Variants in NOS1AP observed in about 807,000 individuals in gnomAD.
The protein encoded by NOS1AP is carboxyl-terminal PDZ ligand of neuronal nitric oxide synthase protein.
In NOS1AP, 21 loss-of-function variants were observed where a neutral mutation model predicts 56.2. The observed-to-expected ratio is 0.37, with a 90% CI of 0.26 to 0.54. The LOEUF (loss-of-function observed/expected upper bound fraction) is 0.54. Among genes scored for constraint, NOS1AP ranks in the 20% least tolerant of loss-of-function variants. NOS1AP has a pLI of 0.84. For synonymous variants in NOS1AP, 270 were observed against 274.6 expected, an observed-to-expected ratio of 0.98 and a Z score of 0.17; for missense variants, 522 against 657.8, an observed-to-expected ratio of 0.79 and a Z score of 2.26.
Position 162,102,082 on chromosome 1 carries a change from G to T in NOS1AP, c.105+31800G>T, listed in dbSNP as rs1647297976. On this transcript the variant is annotated intron_variant, in intron 1 of 9. Transcript: ENST00000361897. ...TCAATATGATATTGGCTGTGGGTTTGTCATGCATGGCTCTTATTATTTTGA... is the reference window on the plus strand; with the variant it reads ...TCAATATGATATTGGCTGTGGGTTTTTCATGCATGGCTCTTATTATTTTGA... 1.3e-5 allele frequency among the ~76,000 whole-genome samples: 2 copies of T among 152,080 alleles called. 1 individual carries two copies. Among genetic ancestry groups the T allele is most frequent in the South Asian group, 4.1e-4 (2 of 4,832 alleles).
intron 2 of NOS1AP, among the ~76,000 whole-genome samples, chr1:162,279,663 G>A (rs573709836): frequency 3.2e-4 from 49 of 152,292 alleles, no homozygotes; most frequent in African/African-American, 1.1e-3. Flanking sequence ...GTCCTGTGAA[G>A]TTAATTTCCA....
chr1:162,342,755 G>A lies in NOS1AP; in HGVS notation c.454-1080G>A, dbSNP rs1162201871. The A allele has an allele frequency of 5.3e-5, 20 of 374,294 alleles. 1 individual carries two copies. Among genetic ancestry groups the A allele is most frequent in the South Asian group, 3.9e-4 (19 of 49,088 alleles). 23.2% of individuals were successfully genotyped at this position (374,294 alleles called of 1,614,324 possible). ...TGCCATTACCTGGGGTGGGTGGGAG[G>A]TGGATGTGATTGATGGACTATATGG... On this transcript the variant is annotated intron_variant, in intron 5 of 9. Coordinates refer to ENST00000361897, the MANE Select transcript of NOS1AP (RefSeq NM_014697.3).
At chr1:162,216,924 CAT>C (rs1334216422) in intron 2 of NOS1AP, among the ~76,000 whole-genome samples, 2 of 152,128 alleles carry the variant, frequency 1.3e-5, no homozygotes, top group Non-Finnish European at 2.9e-5. Flanking sequence ...TGAGTTAACA[CAT>C]ATAGCAAATT....
chr1:162,284,979 G>A (rs1272556206), intron 2 of NOS1AP, among the ~76,000 whole-genome samples: 5 of 152,230 alleles, frequency 3.3e-5, no homozygotes, highest in Non-Finnish European at 7.3e-5. Flanking sequence ...CAGGACTGGG[G>A]AGAATGATGT....
chr1:162,168,104 C>T (rs1223845562), intron 2 of NOS1AP, among the ~76,000 whole-genome samples: 1 of 152,098 alleles, frequency 6.6e-6, no homozygotes, highest in African/African-American at 2.4e-5. Context: ...TCACTGAATC[C>T]TCATAATTAC....
intron 4 of NOS1AP, among the ~76,000 whole-genome samples, chr1:162,325,680 C>T (rs542899852): frequency 5.9e-4 from 89 of 152,052 alleles, no homozygotes; most frequent in African/African-American, 2.0e-3. Flanking sequence ...TTCTGTTTTC[C>T]GACTTCTGCA....
Position 162,119,073 on chromosome 1 carries a change from T to C in NOS1AP, c.106-35332T>C, listed in dbSNP as rs576379166. On this transcript the variant is annotated intron_variant, in intron 1 of 9. Transcript: ENST00000361897. Reference sequence around the variant, plus strand: ...GGTAATTTTGCCATCATCTGCTGCATTTTGGGAGGTAGAGCTACTACTTTT... The same window carrying C: ...GGTAATTTTGCCATCATCTGCTGCACTTTGGGAGGTAGAGCTACTACTTTT... Among the ~76,000 whole-genome samples, 13 of 152,304 alleles carry C rather than the reference T, an allele frequency of 8.5e-5. No homozygotes were observed. The East Asian group carries it at 1.9e-3, about 23-fold the overall frequency.
intron 2 of NOS1AP, among the ~76,000 whole-genome samples, chr1:162,167,889 A>G (rs1035896975): frequency 6.6e-6 from 1 of 152,054 alleles, no homozygotes. Context: ...TTTCAGAGGT[A>G]TTAATCTAAA....
intron 1 of NOS1AP, among the ~76,000 whole-genome samples, chr1:162,114,826 C>T (rs1289081525): frequency 6.6e-6 from 1 of 152,182 alleles, no homozygotes; most frequent in Non-Finnish European, 1.5e-5. Flanking sequence ...TCATCGTTTG[C>T]GTCTATGTGA....
chr1:162,155,296 A>G (rs182570993), intron 2 of NOS1AP, among the ~76,000 whole-genome samples: 10,677 of 145,124 alleles, frequency 0.074, 1,097 homozygotes, highest in African/African-American at 0.23. Flanking sequence ...ATACATATAT[A>G]TGTATATGTA....
chr1:162,288,415 G>A (rs563060851), intron 3 of NOS1AP, among the ~76,000 whole-genome samples: 2 of 152,324 alleles, frequency 1.3e-5, no homozygotes, highest in African/African-American at 4.8e-5. Flanking sequence ...GAGGGAGAGA[G>A]TGTGGAGGTT....
Position 162,307,525 on chromosome 1 carries a change from C to G in NOS1AP, c.344+6819C>G, listed in dbSNP as rs144826973. On this transcript the variant is annotated intron_variant, in intron 4 of 9. Coordinates refer to ENST00000361897, the MANE Select transcript of NOS1AP (RefSeq NM_014697.3). Reference sequence around the variant, plus strand: ...ATGATTAAGAATTAGAAGTCTAGGCCAGACGCGGTGGCTCATGCCTGTAAT... The same window carrying G: ...ATGATTAAGAATTAGAAGTCTAGGCGAGACGCGGTGGCTCATGCCTGTAAT... Among the ~76,000 whole-genome samples, 221 of 152,296 alleles carry G rather than the reference C, an allele frequency of 1.5e-3. 2 individuals are homozygous for G. The highest frequency in any genetic ancestry group is 5.0e-3 in the African/African-American group (209 of 41,558).
In NOS1AP at chr1:162,300,171, C is replaced by G. The variant is rs567595925; in HGVS notation, c.271-462C>G. ...GGCCGCTGACCCTAATGGCCCCCCA[C>G]ACTGGGGTGCTTCTCACCTCAGCAA... On this transcript the variant is annotated intron_variant, in intron 3 of 9. Coordinates refer to ENST00000361897, the MANE Select transcript of NOS1AP (RefSeq NM_014697.3). Among the ~76,000 whole-genome samples the G allele has an allele frequency of 7.7e-3, 1,168 of 152,314 alleles. 18 individuals carry two copies. The highest frequency in any genetic ancestry group is 0.026 in the African/African-American group (1,094 of 41,560).
At chr1:162,239,362 C>G (rs192876085) in intron 2 of NOS1AP, among the ~76,000 whole-genome samples, 1 of 152,290 alleles carries the variant, frequency 6.6e-6, no homozygotes, top group African/African-American at 2.4e-5. Context: ...GGGTGAATTC[C>G]TAAAATTCAG....
chr1:162,164,382 A>T (rs1417630876), intron 2 of NOS1AP, among the ~76,000 whole-genome samples: 1 of 152,226 alleles, frequency 6.6e-6, no homozygotes, highest in Non-Finnish European at 1.5e-5. Context: ...CAACATAATT[A>T]TCATTTTAAT....
In NOS1AP at chr1:162,273,001, T is replaced by C. The variant is rs115440094; in HGVS notation, c.178-14343T>C. Among the ~76,000 whole-genome samples the C allele has an allele frequency of 3.8e-3, 571 of 152,164 alleles. 6 individuals carry two copies. Among genetic ancestry groups the C allele is most frequent in the African/African-American group, 0.013 (539 of 41,524 alleles). ...TACCATAGCAGCTGGATGACCTTCA[T>C]GGGTGTCCATTGCCCTAGCTTAGTG... On this transcript the variant is annotated intron_variant, in intron 2 of 9. Coordinates refer to ENST00000361897, the MANE Select transcript of NOS1AP (RefSeq NM_014697.3).
intron 6 of NOS1AP, among the ~76,000 whole-genome samples, chr1:162,346,902 AC>A: frequency 6.6e-6 from 1 of 152,306 alleles, no homozygotes; most frequent in South Asian, 2.1e-4. Context: ...TTGGTCATGT[AC>A]CCTTGGCCAG....
chr1:162,307,036 T>C (rs1294118986), intron 4 of NOS1AP, among the ~76,000 whole-genome samples: 4 of 152,076 alleles, frequency 2.6e-5, no homozygotes, highest in Admixed American at 6.5e-5. Context: ...GCCTGGAAAA[T>C]AGAGACTTTG....
intron 1 of NOS1AP, among the ~76,000 whole-genome samples, chr1:162,154,167 GAC>G: frequency 1.3e-5 from 2 of 152,244 alleles, no homozygotes; most frequent in South Asian, 4.1e-4. Flanking sequence ...TGCTTGGTTA[GAC>G]ACAGTTCTCT....
Sources: allele counts gnomAD v4.1 joint callset (sites outside exome capture counted in the v4.1 genomes callset), GRCh38; gene constraint gnomAD v4.1.1; transcripts MANE v1.5; gene names NCBI Gene and HGNC (gene_info 2026-07-23, HGNC 2026-07-21).